The following SCAPER variants were observed in gnomAD, a reference collection of about 807,000 sequenced individuals.
The protein encoded by SCAPER is S-phase cyclin A associated protein in the ER, also known as S phase cyclin A-associated protein in the endoplasmic reticulum.
A neutral mutation model predicts 182.2 loss-of-function variants in SCAPER; 98 were observed. The ratio of observed to expected loss-of-function variants is 0.54; its 90% CI spans 0.46 to 0.64. The LOEUF (loss-of-function observed/expected upper bound fraction) is 0.64. SCAPER is among the 30% of genes least tolerant of loss of function. The pLI is 0.00. For missense variants in SCAPER, 1,432 were observed against 1,690.0 expected, an observed-to-expected ratio of 0.85 and a Z score of 2.68; for synonymous variants, 605 against 564.6, an observed-to-expected ratio of 1.07 and a Z score of -1.01.
chr15:76,782,913 C>G (rs946676152), intron 8 of SCAPER, among the ~76,000 whole-genome samples: 1 of 152,128 alleles, frequency 6.6e-6, no homozygotes, highest in Non-Finnish European at 1.5e-5. Context: ...GCACTAAATG[C>G]CCACAAGAGA....
intron 27 of SCAPER, 106 bp downstream of exon 27, chr15:76,404,418 T>C (rs2044677192): frequency 1.8e-6 from 2 of 1,124,982 alleles, no homozygotes; most frequent in Non-Finnish European, 2.5e-6. Context: ...AGAGGAAAGA[T>C]GGCCAAGATG....
Position 76,354,342 on chromosome 15 carries a change from G to C in SCAPER, c.3856-202C>G, listed in dbSNP as rs1422571711. On this transcript the variant is annotated intron_variant, in intron 29 of 31. Coordinates refer to ENST00000563290, the MANE Select transcript of SCAPER (RefSeq NM_020843.4). This position sits in a 1 kb window ranked among gnomAD's most constrained non-coding sequence, Gnocchi z 4.4. ...ATCTCATTTCCCAACTTAAGGAAAA[G>C]ATCCTGAAAGTTTTGCACTCATTTA... 1 of 499,106 alleles carries C rather than the reference G, an allele frequency of 2.0e-6. No individual in the cohort carries two copies. Among genetic ancestry groups the C allele is most frequent in the Non-Finnish European group, 3.4e-6 (1 of 291,704 alleles). The allele number at this position is 499,106 out of a possible 1,614,324, so 30.9% of individuals were successfully genotyped here.
rs777373424 is a variant in SCAPER, at chr15:76,381,398, G to A, written c.3685C>T (p.Leu1229Phe). 6.8e-6 allele frequency: 11 copies of A among 1,613,510 alleles called. No individual in the cohort carries two copies. The highest frequency in any genetic ancestry group is 9.3e-6 in the Non-Finnish European group (11 of 1,179,704). ...GGTACCTGAAAAGCAGGCAGATGAA[G>A]AGCTGCAAAGCTGTTGAAGAAACGT... is the stretch of plus-strand genomic sequence containing the variant. The part of the protein sequence containing the change: ...SLRFFNSFAA[L>F]HLPAFQSIVG... The change falls in exon 28 of 32, where the codon CTT (leucine) becomes TTT (phenylalanine). Residue 1229 changes from leucine to phenylalanine, a missense_variant. By Grantham distance (22) the Leu-to-Phe change is conservative. Transcript: ENST00000563290.
chr15:76,843,618 C>G (rs1418609266), intron 4 of SCAPER, among the ~76,000 whole-genome samples: 1 of 151,968 alleles, frequency 6.6e-6, no homozygotes, highest in Non-Finnish European at 1.5e-5. Context: ...AAACTAATGG[C>G]AATAATTGCC....
intron 25 of SCAPER, among the ~76,000 whole-genome samples, chr15:76,469,891 T>C (rs907673357): frequency 6.6e-6 from 1 of 151,572 alleles, no homozygotes; most frequent in Non-Finnish European, 1.5e-5. Flanking sequence ...ATATTTCTGA[T>C]AGAATTTTTT....
intron 2 of SCAPER, among the ~76,000 whole-genome samples, chr15:76,877,207 TAA>T (rs199911700): frequency 3.9e-4 from 52 of 133,180 alleles, no homozygotes; most frequent in Admixed American, 6.8e-4. Context: ...ACCCTGTCTT[TAA>T]AAAAAAAAAA....
intron 22 of SCAPER, among the ~76,000 whole-genome samples, chr15:76,609,298 G>A (rs949920458): frequency 6.6e-5 from 10 of 151,368 alleles, no homozygotes; most frequent in African/African-American, 2.4e-4. Context: ...ATCAGCCTGG[G>A]CAACAATACA....
chr15:76,372,400 G>A (rs982612567), intron 29 of SCAPER, among the ~76,000 whole-genome samples: 3 of 152,048 alleles, frequency 2.0e-5, no homozygotes, highest in African/African-American at 7.2e-5. Context: ...CCATGTCCAA[G>A]TCAGGTCTTA....
intron 23 of SCAPER, among the ~76,000 whole-genome samples, chr15:76,521,769 A>G (rs1345970513): frequency 6.6e-6 from 1 of 152,180 alleles, no homozygotes; most frequent in Non-Finnish European, 1.5e-5. Flanking sequence ...TAAAAGTGGC[A>G]CACTGCTTTA....
intron 26 of SCAPER, among the ~76,000 whole-genome samples, chr15:76,406,856 G>C (rs2044881257): frequency 6.6e-6 from 1 of 152,170 alleles, no homozygotes; most frequent in Admixed American, 6.5e-5. Context: ...GACAGTCAAA[G>C]TACTCATCAT....
At chr15:76,755,847 A>G (rs2151206705) in intron 14 of SCAPER, among the ~76,000 whole-genome samples, 1 of 152,334 alleles carries the variant, frequency 6.6e-6, no homozygotes, top group South Asian at 2.1e-4. Flanking sequence ...CAAGAAAGTG[A>G]GGTTTCTGGC....
At chr15:76,590,041 T>C (rs529122329) in intron 22 of SCAPER, among the ~76,000 whole-genome samples, 4 of 152,330 alleles carry the variant, frequency 2.6e-5, no homozygotes, top group South Asian at 2.1e-4. Flanking sequence ...TGTCTCCCAG[T>C]GGATCGTAGG....
At chr15:76,513,113 C>T (rs185447988) in intron 23 of SCAPER, among the ~76,000 whole-genome samples, 15 of 152,306 alleles carry the variant, frequency 9.8e-5, no homozygotes, top group Non-Finnish European at 5.9e-5. Context: ...TGGCCCCATT[C>T]TCTCTTGTCT....
At chr15:76,611,856 C>T (rs149674948) in intron 22 of SCAPER, among the ~76,000 whole-genome samples, 1 of 152,114 alleles carries the variant, frequency 6.6e-6, no homozygotes, top group Non-Finnish European at 1.5e-5. Context: ...ATGATTATCT[C>T]AATAGGTGCA....
At chr15:76,583,264 T>C (rs1189449266) in intron 22 of SCAPER, among the ~76,000 whole-genome samples, 3 of 151,678 alleles carry the variant, frequency 2.0e-5, no homozygotes, top group African/African-American at 7.3e-5. Flanking sequence ...GGCAGGAGAA[T>C]TGCTTGAACC....
chr15:76,902,607 T>C (rs551766389), intron 1 of SCAPER, among the ~76,000 whole-genome samples: 1 of 152,364 alleles, frequency 6.6e-6, no homozygotes, highest in South Asian at 2.1e-4. Flanking sequence ...GAAATGCCAA[T>C]TCCACAATGG....
At chr15:76,445,195 G>C (rs776260034) in intron 25 of SCAPER, among the ~76,000 whole-genome samples, 2 of 152,146 alleles carry the variant, frequency 1.3e-5, no homozygotes, top group Non-Finnish European at 2.9e-5. Flanking sequence ...CCATAGCTTA[G>C]TTTCCACTTG....
At chr15:76,430,369 C>T (rs538538401) in intron 26 of SCAPER, among the ~76,000 whole-genome samples, 4 of 152,344 alleles carry the variant, frequency 2.6e-5, no homozygotes, top group Admixed American at 2.6e-4. Flanking sequence ...TGACAGCTTG[C>T]ACCACGTGCC....
At chr15:76,526,911 G>A (rs1018109695) in intron 23 of SCAPER, among the ~76,000 whole-genome samples, 7 of 149,314 alleles carry the variant, frequency 4.7e-5, no homozygotes, top group African/African-American at 9.9e-5. Flanking sequence ...TGCTCTTGTC[G>A]CCCAGGCTGG....
Sources: allele counts gnomAD v4.1 joint callset (sites outside exome capture counted in the v4.1 genomes callset), GRCh38; gene constraint gnomAD v4.1.1; non-coding constraint Gnocchi (gnomAD v3.1); transcripts MANE v1.5; gene names NCBI Gene and HGNC (gene_info 2026-07-23, HGNC 2026-07-21).